Variants in TMEM132D observed in about 807,000 individuals in gnomAD.
The protein encoded by TMEM132D is transmembrane protein 132D, also known as mature OL transmembrane protein.
In TMEM132D, 21 loss-of-function variants were observed where a neutral mutation model predicts 62.3. That is an observed-to-expected ratio of 0.34 (90% confidence interval 0.24 to 0.49). The LOEUF is 0.49. TMEM132D is among the 20% of genes least tolerant of loss of function. The pLI is 0.99. For missense variants in TMEM132D, 1,346 were observed against 1,402.8 expected (o/e 0.96, Z 0.65); for synonymous variants, 621 against 575.6 (o/e 1.08, Z -1.13).
chr12:129,391,892 G>T (rs1202816221), intron 3 of TMEM132D, among the ~76,000 whole-genome samples: 1 of 151,790 alleles, frequency 6.6e-6, no homozygotes, highest in African/African-American at 2.4e-5. Flanking sequence ...GAGTATCTGG[G>T]ATTACAGGCG....
At chr12:129,208,912 A>G (rs1041639182) in intron 5 of TMEM132D, 1 of 152,226 alleles carries the variant, frequency 6.6e-6, no homozygotes, top group African/African-American at 2.4e-5. Flanking sequence ...TTTGATTTCA[A>G]TTTAAGAAGA....
intron 3 of TMEM132D, among the ~76,000 whole-genome samples, chr12:129,482,930 G>A (rs1874472357): frequency 6.9e-6 from 1 of 145,722 alleles, no homozygotes. Context: ...TTTTATCTCT[G>A]AGAACATATT....
intron 5 of TMEM132D, among the ~76,000 whole-genome samples, chr12:129,160,598 T>C (rs1172334751): frequency 6.6e-6 from 1 of 152,216 alleles, no homozygotes; most frequent in Non-Finnish European, 1.5e-5. Context: ...TTTGAACCCA[T>C]GTACCCAGCC....
At chr12:129,273,422 T>C (rs896162158) in intron 4 of TMEM132D, among the ~76,000 whole-genome samples, 2 of 63,064 alleles carry the variant, frequency 3.2e-5, no homozygotes, top group African/African-American at 1.3e-4. Flanking sequence ...CAAAGGAAAA[T>C]AAATCAGCCT....
chr12:129,407,942 G>A (rs114259226), intron 3 of TMEM132D, among the ~76,000 whole-genome samples: 1,900 of 151,974 alleles, frequency 0.013, 45 homozygotes, highest in African/African-American at 0.044. Flanking sequence ...ATGGACAGTG[G>A]TTTCCATACT....
chr12:129,738,139 T>C (rs1374379989), intron 1 of TMEM132D, among the ~76,000 whole-genome samples: 1 of 152,166 alleles, frequency 6.6e-6, no homozygotes, highest in African/African-American at 2.4e-5. Flanking sequence ...GTCTCAGCTA[T>C]AATATTCTAC....
rs1874099743 is a variant in TMEM132D at position 129,867,599 on chromosome 12, T to C, written c.79+35662A>G. ...TACTGAGAGGATAAATCTTCAGTGTTTTCCTCATAAAAAGAGAAAGTAAAA... is the reference window on the plus strand; with the variant it reads ...TACTGAGAGGATAAATCTTCAGTGTCTTCCTCATAAAAAGAGAAAGTAAAA... On this transcript the variant is annotated intron_variant, in intron 1 of 8. Coordinates refer to ENST00000422113, the MANE Select transcript of TMEM132D (RefSeq NM_133448.3). This position sits in a 1 kb window ranked among gnomAD's most constrained non-coding sequence, Gnocchi z 4.5. Among the ~76,000 whole-genome samples, 1 of 152,196 alleles carries C rather than the reference T, an allele frequency of 6.6e-6. No individual in the cohort carries two copies. The highest frequency in any genetic ancestry group is 2.4e-5 in the African/African-American group (1 of 41,438).
chr12:129,517,303 A>T (rs537119174), intron 3 of TMEM132D, among the ~76,000 whole-genome samples: 1 of 152,204 alleles, frequency 6.6e-6, no homozygotes, highest in East Asian at 1.9e-4. Flanking sequence ...AGTTGGTTAA[A>T]TTGAAACAAG....
chr12:129,227,794 T>C (rs1459661276), intron 4 of TMEM132D, among the ~76,000 whole-genome samples: 1 of 151,956 alleles, frequency 6.6e-6, no homozygotes, highest in African/African-American at 2.4e-5. Context: ...TTCCCCTTCC[T>C]GTGTCCAAGA....
intron 5 of TMEM132D, among the ~76,000 whole-genome samples, chr12:129,148,222 T>C (rs1037355195): frequency 2.0e-4 from 30 of 152,208 alleles, no homozygotes; most frequent in Non-Finnish European, 5.9e-5. Flanking sequence ...AGTATTTGCT[T>C]TTGACTAAGA....
chr12:129,196,863 GA>G (rs1565994397), intron 5 of TMEM132D, among the ~76,000 whole-genome samples: 2 of 152,208 alleles, frequency 1.3e-5, no homozygotes, highest in Admixed American at 6.5e-5. Context: ...ATTGTAGGGA[GA>G]GATTAATGCC....
At chr12:129,495,465 C>T (rs765483628) in intron 3 of TMEM132D, among the ~76,000 whole-genome samples, 2 of 152,094 alleles carry the variant, frequency 1.3e-5, no homozygotes, top group Non-Finnish European at 2.9e-5. Context: ...TTCCTAGGAG[C>T]CATGCCCCAT....
At chr12:129,328,494 T>C (rs1175427854) in intron 4 of TMEM132D, among the ~76,000 whole-genome samples, 1 of 152,228 alleles carries the variant, frequency 6.6e-6, no homozygotes, top group African/African-American at 2.4e-5. Flanking sequence ...TTTTGTACTA[T>C]GGGCCTTTAA....
Position 129,371,105 on chromosome 12 carries a change from T to C in TMEM132D, c.1116-33288A>G, listed in dbSNP as rs762983088. Reference sequence around the variant, plus strand: ...CCCAATTACCTTGATTCGATCATTATATTGTTGTAGGTACCACCAAAATAT... The same window carrying C: ...CCCAATTACCTTGATTCGATCATTACATTGTTGTAGGTACCACCAAAATAT... On this transcript the variant is annotated intron_variant, in intron 3 of 8. Transcript: ENST00000422113. This position sits in a 1 kb window ranked among gnomAD's most constrained non-coding sequence, Gnocchi z 4.3. Among the ~76,000 whole-genome samples the C allele has an allele frequency of 8.5e-5, 13 of 152,252 alleles. No homozygotes were observed. The highest frequency in any genetic ancestry group is 1.9e-4 in the Non-Finnish European group (13 of 68,046).
chr12:129,699,688 T>C (rs1881327665), intron 2 of TMEM132D, 122 bp downstream of exon 2: 1 of 1,270,748 alleles, frequency 7.9e-7, no homozygotes, highest in East Asian at 2.4e-5. Context: ...ATGGAGTTTG[T>C]AAGAACGGGA....
intron 1 of TMEM132D, among the ~76,000 whole-genome samples, chr12:129,721,786 C>T (rs1305199489): frequency 1.3e-5 from 2 of 152,274 alleles, no homozygotes; most frequent in South Asian, 2.1e-4. Context: ...CCCAGAGAAC[C>T]GACCCCAGCA....
At chr12:129,146,002 A>G (rs773702281) in intron 5 of TMEM132D, among the ~76,000 whole-genome samples, 13 of 152,162 alleles carry the variant, frequency 8.5e-5, no homozygotes, top group Non-Finnish European at 1.8e-4. Flanking sequence ...GTACACCATG[A>G]TGTTTTGGTA....
chr12:129,078,217 C>A (rs976310674), intron 8 of TMEM132D, among the ~76,000 whole-genome samples: 1 of 152,258 alleles, frequency 6.6e-6, no homozygotes, highest in African/African-American at 2.4e-5. Context: ...AGGTGACCAC[C>A]TGCATGCACT....
intron 1 of TMEM132D, among the ~76,000 whole-genome samples, chr12:129,895,973 T>C (rs1362589190): frequency 1.3e-5 from 2 of 149,902 alleles, no homozygotes; most frequent in East Asian, 3.9e-4. Flanking sequence ...CTTTTTTTTT[T>C]TTTTTTTTTT....
Sources: allele counts gnomAD v4.1 joint callset (sites outside exome capture counted in the v4.1 genomes callset), GRCh38; gene constraint gnomAD v4.1.1; non-coding constraint Gnocchi (gnomAD v3.1); transcripts MANE v1.5; gene names NCBI Gene and HGNC (gene_info 2026-07-23, HGNC 2026-07-21).